The following PPP3CB variants were observed in gnomAD, a reference collection of about 807,000 sequenced individuals.
The protein encoded by PPP3CB is protein phosphatase 3 catalytic subunit beta, also known as serine/threonine-protein phosphatase 2B catalytic subunit beta isoform.
Under a neutral mutation model 66.4 loss-of-function variants are expected in PPP3CB, and 8 were observed. The ratio of observed to expected loss-of-function variants is 0.12; its 90% CI spans 0.07 to 0.22. The LOEUF (loss-of-function observed/expected upper bound fraction) is 0.22. Ranked by LOEUF, PPP3CB falls within the 10% of genes least tolerant of loss-of-function variation. The pLI is 1.00. For missense variants in PPP3CB, 319 were observed against 642.5 expected (o/e 0.50, Z 5.44); for synonymous variants, 208 against 221.2 (o/e 0.94, Z 0.53).
chr10:73,479,924 G>A (rs1333249845), intron 1 of PPP3CB, among the ~76,000 whole-genome samples: 1 of 152,016 alleles, frequency 6.6e-6, no homozygotes, highest in Non-Finnish European at 1.5e-5. Flanking sequence ...CTACTTCGTA[G>A]GCTGGGGCAG....
chr10:73,466,278 T>C (rs1218497142), intron 9 of PPP3CB, among the ~76,000 whole-genome samples: 2 of 152,226 alleles, frequency 1.3e-5, no homozygotes, highest in East Asian at 3.8e-4. Flanking sequence ...ACTCATAGCA[T>C]AAATATTTAG....
chr10:73,476,471 G>C (rs1428612610), intron 3 of PPP3CB, among the ~76,000 whole-genome samples: 2 of 151,974 alleles, frequency 1.3e-5, no homozygotes, highest in Admixed American at 1.3e-4. Flanking sequence ...ACAAAAACTA[G>C]CCGGGAGTGG....
chr10:73,477,220 A>G, intron 3 of PPP3CB: 1 of 518,178 alleles, frequency 1.9e-6, no homozygotes, highest in Non-Finnish European at 3.9e-6. Context: ...TGCTTAGAAC[A>G]TATTAAATGT....
At position 73,479,396 on chromosome 10, in the gene PPP3CB, A is replaced by C. The variant is rs1386370575; in HGVS notation, c.207T>G (p.Ile69Met). ...LVKEGRVDEE[I>M]ALRIINEGAA... ...CACCCTCATTGATAATTCTAAGCGC[A>C]ATTTCTTCATCTACTCGACCTTCTT... is the stretch of plus-strand genomic sequence containing the variant. The change falls in exon 2 of 14, where the codon ATT (isoleucine) becomes ATG (methionine). Residue 69 changes from isoleucine to methionine, a missense_variant. By Grantham distance (10) the Ile-to-Met change is conservative. Around this residue, in one of 5 missense-constraint regions of PPP3CB, gnomAD observed 104 missense variants for 128.4 expected, o/e 0.81. Coordinates refer to ENST00000360663, the MANE Select transcript of PPP3CB (RefSeq NM_021132.4). 8.7e-6 allele frequency: 14 copies of C among 1,614,102 alleles called. No individual in the cohort carries two copies. The highest frequency in any genetic ancestry group is 1.2e-5 in the Non-Finnish European group (14 of 1,180,004).
In PPP3CB at chr10:73,488,720, G is replaced by A. The variant is rs138456194; in HGVS notation, c.85+7085C>T. Among the ~76,000 whole-genome samples the A allele has an allele frequency of 1.2e-4, 18 of 152,260 alleles. No homozygotes were observed. In the East Asian group the frequency reaches 3.5e-3, roughly 29 times the overall value. ...ATTGGGTCTCTTTTAATTTGTGGTGGTTTTTAAATATACCTTTCCCTCAAA... is the reference window on the plus strand; with the variant it reads ...ATTGGGTCTCTTTTAATTTGTGGTGATTTTTAAATATACCTTTCCCTCAAA... On this transcript the variant is annotated intron_variant, in intron 1 of 13. Coordinates refer to ENST00000360663, the MANE Select transcript of PPP3CB (RefSeq NM_021132.4).
intron 9 of PPP3CB, among the ~76,000 whole-genome samples, chr10:73,463,077 G>C (rs1046110792): frequency 2.0e-5 from 3 of 151,704 alleles, no homozygotes; most frequent in African/African-American, 7.3e-5. Context: ...TTTTCTCATT[G>C]GAGTGTGTTA....
In PPP3CB at chr10:73,459,061, ACT is replaced by A. The variant is rs375589088; in HGVS notation, c.1109-4574_1109-4573del. On this transcript the variant is annotated intron_variant, in intron 9 of 13. Coordinates refer to ENST00000360663, the MANE Select transcript of PPP3CB (RefSeq NM_021132.4). ...CCCTAGCATGGGCAACAAGAGCAAA[ACT>A]CTGTCTCAAAAACAACAACAACAAT... Among the ~76,000 whole-genome samples the A allele has an allele frequency of 2.0e-4, 30 of 152,056 alleles. No individual in the cohort carries two copies. The South Asian group carries it at 5.8e-3, about 30-fold the overall frequency.
rs146234789 is a variant in PPP3CB at position 73,494,161 on chromosome 10, A to ATT, written c.85+1642_85+1643dup. ...TGATAGAATGAATGTCTGCATTACT[A>ATT]TTTTTTTTTTAAGATTTCTCTGTAT... On this transcript the variant is annotated intron_variant, in intron 1 of 13. Transcript: ENST00000360663. Among the ~76,000 whole-genome samples, 844 of 150,190 alleles carry ATT rather than the reference A, an allele frequency of 5.6e-3. 4 individuals are homozygous for ATT. Among genetic ancestry groups the ATT allele is most frequent in the African/African-American group, 0.02 (804 of 41,000 alleles).
chr10:73,471,046 T>C (rs762880923), intron 6 of PPP3CB, 24 bp downstream of exon 6: 6 of 1,598,250 alleles, frequency 3.8e-6, no homozygotes, highest in Non-Finnish European at 8.6e-7. Flanking sequence ...TAAAATGTGA[T>C]TAATCTTGGA....
chr10:73,473,207 G>T (rs1564562865), intron 4 of PPP3CB, among the ~76,000 whole-genome samples: 1 of 152,094 alleles, frequency 6.6e-6, no homozygotes, highest in African/African-American at 2.4e-5. Context: ...TGCCACTTCT[G>T]CCACTACCCA....
chr10:73,466,187 A>G (rs888437379), intron 9 of PPP3CB, among the ~76,000 whole-genome samples: 3 of 152,226 alleles, frequency 2.0e-5, no homozygotes, highest in Non-Finnish European at 4.4e-5. Context: ...TATGAGCTCT[A>G]AAACCCTATG....
At chr10:73,482,542 CAA>C (rs537336452) in intron 1 of PPP3CB, among the ~76,000 whole-genome samples, 1,537 of 36,378 alleles carry the variant, frequency 0.042, 4 homozygotes, top group African/African-American at 0.14. Context: ...GACTCCGTCT[CAA>C]AAAAAAAAAA....
At chr10:73,465,621 C>T (rs1435972184) in intron 9 of PPP3CB, among the ~76,000 whole-genome samples, 4 of 152,172 alleles carry the variant, frequency 2.6e-5, no homozygotes, top group African/African-American at 4.8e-5. Context: ...CTGCTTTCGC[C>T]TAATTTTGGG....
Position 73,495,996 on chromosome 10 carries a change from T to TG in PPP3CB, c.-108_-107insC. ...CCGCCGGGGAACATGGCGGACCCTC[T>TG]TTCCCTACAGAGGGGCTAAGACCGG... On this transcript the variant is annotated 5_prime_UTR_variant, in exon 1 of 14. Transcript: ENST00000360663. 1 of 654,440 alleles carries TG rather than the reference T, an allele frequency of 1.5e-6. No homozygotes were observed. Among genetic ancestry groups the TG allele is most frequent in the Non-Finnish European group, 2.1e-6 (1 of 466,852 alleles). 40.5% of individuals were successfully genotyped at this position (654,440 alleles called of 1,614,324 possible).
At chr10:73,483,006 CTA>C (rs1467568044) in intron 1 of PPP3CB, among the ~76,000 whole-genome samples, 1 of 152,164 alleles carries the variant, frequency 6.6e-6, no homozygotes, top group Non-Finnish European at 1.5e-5. Flanking sequence ...AAAAATCCAC[CTA>C]TGAGACCACT....
rs2056755464 is a variant in PPP3CB at position 73,474,427 on chromosome 10, G to A, written c.523+492C>T. Among the ~76,000 whole-genome samples the A allele has an allele frequency of 2.0e-5, 3 of 150,614 alleles. No individual in the cohort carries two copies. In the South Asian group the frequency reaches 6.3e-4, roughly 31 times the overall value. The stretch of plus-strand genomic sequence containing the variant: ...TAAACATAATAAGAAATTCTGAAAT[G>A]AAAAAAAATTTTTTTTTTTGAGACA... On this transcript the variant is annotated intron_variant, in intron 4 of 13. Coordinates refer to ENST00000360663, the MANE Select transcript of PPP3CB (RefSeq NM_021132.4).
At chr10:73,454,769 A>G (rs1207352537) in intron 9 of PPP3CB, among the ~76,000 whole-genome samples, 1 of 152,158 alleles carries the variant, frequency 6.6e-6, no homozygotes, top group Non-Finnish European at 1.5e-5. Context: ...ACAGAGATGA[A>G]TAACAACTGA....
chr10:73,487,564 C>CAAAAAA (rs746889105), intron 1 of PPP3CB, among the ~76,000 whole-genome samples: 37 of 65,024 alleles, frequency 5.7e-4, no homozygotes, highest in Middle Eastern at 0.01. Flanking sequence ...AAACCAAAAC[C>CAAAAAA]AAAAAAAAAA....
intron 8 of PPP3CB, among the ~76,000 whole-genome samples, chr10:73,470,144 T>G (rs78406409): frequency 0.05 from 7,569 of 150,596 alleles, 578 homozygotes; most frequent in African/African-American, 0.17. Context: ...GCAGTAAAAA[T>G]AAAGAGAAGA....
Sources: gnomAD v4.1 joint callset for allele counts (sites outside exome capture counted in the v4.1 genomes callset) on GRCh38, gnomAD v4.1.1 for gene constraint, gnomAD v4.1.1 regional missense constraint, MANE v1.5 for transcripts, NCBI Gene and HGNC (gene_info 2026-07-23, HGNC 2026-07-21) for gene names.